Variants in NOL4L observed in about 807,000 individuals in gnomAD.
NOL4L encodes nucleolar protein 4 like, also known as nucleolar protein 4-like.
NOL4L carries 7 observed loss-of-function variants against 64.5 expected under a neutral mutation model. That is an observed-to-expected ratio of 0.11 (90% confidence interval 0.06 to 0.20). The LOEUF is 0.20. Among genes scored for constraint, NOL4L ranks in the 10% least tolerant of loss-of-function variants. The pLI, the probability that NOL4L is intolerant of heterozygous loss-of-function variation, is 1.00. For synonymous variants in NOL4L, 413 were observed against 401.0 expected (o/e 1.03, Z -0.36); for missense variants, 680 against 967.1 (o/e 0.70, Z 3.94).
intron 5 of NOL4L, among the ~76,000 whole-genome samples, chr20:32,473,037 C>T (rs2015132021): frequency 6.6e-6 from 1 of 152,166 alleles, no homozygotes; most frequent in Non-Finnish European, 1.5e-5. Flanking sequence ...GCTACCTGAT[C>T]CTGACAGCCC....
At chr20:32,573,710 C>A (rs1380375423) in intron 1 of NOL4L, 2 of 176,498 alleles carry the variant, frequency 1.1e-5, no homozygotes, top group Non-Finnish European at 2.5e-5. Flanking sequence ...CTGGACCCAG[C>A]CCCTGGCTCC....
At chr20:32,577,630 GAGCTCAGGAGTTTA>G (rs1980199244) in intron 1 of NOL4L, among the ~76,000 whole-genome samples, 1 of 152,138 alleles carries the variant, frequency 6.6e-6, no homozygotes, top group Non-Finnish European at 1.5e-5. Context: ...AGGATCACTT[GAGCTCAGGAGTTTA>G]AGACCAGCCT....
intron 5 of NOL4L, chr20:32,465,210 T>G: frequency 2.2e-6 from 1 of 452,246 alleles, no homozygotes; most frequent in Non-Finnish European, 4.0e-6. Flanking sequence ...TCATCATGCC[T>G]GATTTGCACA....
At chr20:32,550,753 G>T (rs1396026278) in intron 1 of NOL4L, among the ~76,000 whole-genome samples, 1 of 152,130 alleles carries the variant, frequency 6.6e-6, no homozygotes, top group African/African-American at 2.4e-5. Flanking sequence ...GGTGGCGTGT[G>T]CCTGTAATCC....
At chr20:32,569,410 A>G (rs186813023) in intron 1 of NOL4L, among the ~76,000 whole-genome samples, 1 of 152,294 alleles carries the variant, frequency 6.6e-6, no homozygotes, top group East Asian at 1.9e-4. Flanking sequence ...TTAACACAGC[A>G]CTTTGGCCAC....
chr20:32,488,609 T>C (rs527483735), intron 4 of NOL4L, among the ~76,000 whole-genome samples: 2 of 152,338 alleles, frequency 1.3e-5, no homozygotes, highest in East Asian at 3.9e-4. Flanking sequence ...CTTTTATCTC[T>C]GTCAATCTGA....
rs2014154027 is a variant in NOL4L, at chr20:32,462,426, AG to A, written c.842-6032del. The stretch of plus-strand genomic sequence containing the variant: ...TCCTGAGGAGGCTGGTACCCACAGG[AG>A]GGGGTGGTGCCCACAGGAGGGCTCA... On this transcript the variant is annotated intron_variant, in intron 5 of 10. Coordinates refer to ENST00000621426, the MANE Select transcript of NOL4L (RefSeq NM_001256798.2). Among the ~76,000 whole-genome samples, 3 of 152,112 alleles carry A rather than the reference AG, an allele frequency of 2.0e-5. No homozygotes were observed. The South Asian group carries it at 6.2e-4, about 31-fold the overall frequency.
At position 32,447,752 on chromosome 20, in the gene NOL4L, G is replaced by A; in HGVS notation, c.1887C>T (p.Pro629=). The A allele has an allele frequency of 6.3e-7, 1 of 1,597,130 alleles. No individual in the cohort carries two copies. Among genetic ancestry groups the A allele is most frequent in the Non-Finnish European group, 8.6e-7 (1 of 1,169,108 alleles). The change falls in exon 11 of 11, where the codon CCC becomes CCT. Residue 629 remains proline (P), a synonymous_variant. Transcript: ENST00000621426. ...STTSTTPTPT[P]SSTSTSRPVP... is the part of the protein sequence containing the mutation. ...CGGGCCTGCTGGTGCTGGTGCTGGA[G>A]GGGGTGGGCGTGGGGGTGGTGGAGG...
At chr20:32,562,908 A>G in intron 1 of NOL4L, among the ~76,000 whole-genome samples, 2 of 60,114 alleles carry the variant, frequency 3.3e-5, no homozygotes, top group Non-Finnish European at 6.2e-5. Flanking sequence ...GAGGGGAGGG[A>G]GAGTAGAGGG....
Position 32,556,850 on chromosome 20 carries a change from C to T in NOL4L, c.321+27720G>A, listed in dbSNP as rs542574657. On this transcript the variant is annotated intron_variant, in intron 1 of 10. Transcript: ENST00000621426. Reference sequence around the variant, plus strand: ...ACAGTGGAGCCAGAGCTGGACGTGCCGGAGCCACAGTGCCTCGCCACACGG... The same window carrying T: ...ACAGTGGAGCCAGAGCTGGACGTGCTGGAGCCACAGTGCCTCGCCACACGG... Among the ~76,000 whole-genome samples the T allele has an allele frequency of 5.3e-5, 8 of 152,342 alleles. No homozygotes were observed. In the East Asian group the frequency reaches 5.8e-4, roughly 11 times the overall value.
intron 1 of NOL4L, among the ~76,000 whole-genome samples, chr20:32,556,009 G>T (rs1260737015): frequency 6.6e-6 from 1 of 152,144 alleles, no homozygotes; most frequent in Non-Finnish European, 1.5e-5. Flanking sequence ...GTGATCATTT[G>T]GTTAATGGCT....
At chr20:32,563,763 C>T (rs773421600) in intron 1 of NOL4L, among the ~76,000 whole-genome samples, 2 of 152,174 alleles carry the variant, frequency 1.3e-5, no homozygotes, top group Non-Finnish European at 2.9e-5. Flanking sequence ...GCTGACAAGC[C>T]ATAGCGCTAG....
At chr20:32,583,426 C>A (rs1389668762) in intron 1 of NOL4L, among the ~76,000 whole-genome samples, 1 of 139,816 alleles carries the variant, frequency 7.2e-6, no homozygotes, top group Non-Finnish European at 1.6e-5. Context: ...GAGCGCGGGG[C>A]GGGCGGGCCG....
In NOL4L at chr20:32,451,314, A is replaced by G. The variant is rs1409633717; in HGVS notation, c.1822+922T>C. 1.3e-5 allele frequency among the ~76,000 whole-genome samples: 2 copies of G among 152,134 alleles called. 1 individual carries two copies. The highest frequency in any genetic ancestry group is 1.3e-4 in the Admixed American group (2 of 15,264). On this transcript the variant is annotated intron_variant, in intron 10 of 10. Transcript: ENST00000621426. Reference sequence around the variant, plus strand: ...CAGACAGAATGACACAGACCACACAATTCACGGCCCTTCTGTGCTTAAAAC... The same window carrying G: ...CAGACAGAATGACACAGACCACACAGTTCACGGCCCTTCTGTGCTTAAAAC...
chr20:32,461,350 G>A (rs552795454), intron 5 of NOL4L, among the ~76,000 whole-genome samples: 2 of 151,018 alleles, frequency 1.3e-5, no homozygotes, highest in African/African-American at 2.4e-5. Flanking sequence ...AGGGCTCTGC[G>A]TAAAGGTCAC....
intron 1 of NOL4L, among the ~76,000 whole-genome samples, chr20:32,543,688 G>A (rs1391110899): frequency 6.6e-6 from 1 of 152,128 alleles, no homozygotes; most frequent in African/African-American, 2.4e-5. Context: ...TTCTTGGGAG[G>A]CTGAGGCACA....
Position 32,464,357 on chromosome 20 carries a change from G to A in NOL4L, c.842-7962C>T, listed in dbSNP as rs951207276. ...GGGGGACACTAGGACCCTACCATCC[G>A]GGTGATGGGGCCACACGGGGCACCT... On this transcript the variant is annotated intron_variant, in intron 5 of 10. Coordinates refer to ENST00000621426, the MANE Select transcript of NOL4L (RefSeq NM_001256798.2). The surrounding 1 kb of genome is among the most constrained non-coding windows in gnomAD (Gnocchi z 5.6). Among the ~76,000 whole-genome samples the A allele has an allele frequency of 3.3e-5, 5 of 152,330 alleles. No individual in the cohort carries two copies. Among genetic ancestry groups the A allele is most frequent in the Admixed American group, 6.5e-5 (1 of 15,308 alleles).
intron 1 of NOL4L, 38 bp downstream of exon 1, chr20:32,584,532 C>G (rs893373680): frequency 3.1e-6 from 4 of 1,307,636 alleles, no homozygotes; most frequent in African/African-American, 3.1e-5. Context: ...CCAAGCCCCG[C>G]GGCGGGACCC....
At chr20:32,563,905 T>G in intron 1 of NOL4L, among the ~76,000 whole-genome samples, 1 of 152,334 alleles carries the variant, frequency 6.6e-6, no homozygotes, top group East Asian at 1.9e-4. Flanking sequence ...AAGCGTATCC[T>G]CGGCAGCCAC....
Sources: allele counts gnomAD v4.1 joint callset (sites outside exome capture counted in the v4.1 genomes callset), GRCh38; gene constraint gnomAD v4.1.1; non-coding constraint Gnocchi (gnomAD v3.1); transcripts MANE v1.5; gene names NCBI Gene and HGNC (gene_info 2026-07-23, HGNC 2026-07-21).